Variants in ADAMTS6 observed in about 807,000 individuals in gnomAD.
ADAMTS6 encodes ADAM metallopeptidase with thrombospondin type 1 motif 6.
In ADAMTS6, 23 loss-of-function variants were observed where a neutral mutation model predicts 144.3. The ratio of observed to expected loss-of-function variants is 0.16; its 90% CI spans 0.11 to 0.23. The LOEUF is 0.23. ADAMTS6 is among the 10% of genes least tolerant of loss of function. The pLI is 1.00. For synonymous variants in ADAMTS6, 444 were observed against 457.5 expected (o/e 0.97, Z 0.38); for missense variants, 999 against 1,379.6 (o/e 0.72, Z 4.37).
chr5:65,215,928 A>G (rs932919406), intron 18 of ADAMTS6, among the ~76,000 whole-genome samples: 1 of 152,232 alleles, frequency 6.6e-6, no homozygotes, highest in African/African-American at 2.4e-5. Context: ...ACCCAAGTTC[A>G]TATGGGAATT....
intron 7 of ADAMTS6, among the ~76,000 whole-genome samples, chr5:65,368,132 T>A (rs1437541069): frequency 1.3e-5 from 2 of 152,202 alleles, no homozygotes; most frequent in South Asian, 2.1e-4. Flanking sequence ...TAAGAATTGG[T>A]CCTAGTGTGT....
At chr5:65,358,251 T>C (rs552604127) in intron 7 of ADAMTS6, among the ~76,000 whole-genome samples, 1 of 152,040 alleles carries the variant, frequency 6.6e-6, no homozygotes, top group South Asian at 2.1e-4. Context: ...TAAAAAGCAT[T>C]TGACAAAATC....
intron 10 of ADAMTS6, among the ~76,000 whole-genome samples, chr5:65,294,499 T>A (rs1345193315): frequency 6.6e-6 from 1 of 152,208 alleles, no homozygotes; most frequent in African/African-American, 2.4e-5. Flanking sequence ...CATGAACCAC[T>A]GCATCTGGCC....
chr5:65,467,889 A>G (rs1424829952), intron 3 of ADAMTS6, among the ~76,000 whole-genome samples: 1 of 152,254 alleles, frequency 6.6e-6, no homozygotes, highest in East Asian at 1.9e-4. Flanking sequence ...TCAAGAAATT[A>G]GCCCAATAAA....
rs569315805 is a variant in ADAMTS6 at position 65,196,510 on chromosome 5, G to A, written c.2705+512C>T. On this transcript the variant is annotated intron_variant, in intron 21 of 24. Transcript: ENST00000381055. ...TGCACTCCAGCCTGGGCGACAGAGC[G>A]AGACTCCGTCTCAAAAAAAAAAAAA... 7.8e-3 allele frequency among the ~76,000 whole-genome samples: 709 copies of A among 91,408 alleles called. 1 individual carries two copies. The highest frequency in any genetic ancestry group is 0.01 in the Non-Finnish European group (494 of 49,250). The allele number at this position is 91,408 out of a possible 152,430, so 60.0% of individuals were successfully genotyped here. A position where few individuals can be genotyped will look rare whatever the true frequency, so the allele number is the denominator to read the frequency against.
chr5:65,469,130 A>G (rs1359378309), intron 3 of ADAMTS6, among the ~76,000 whole-genome samples: 1 of 152,204 alleles, frequency 6.6e-6, no homozygotes, highest in Non-Finnish European at 1.5e-5. Context: ...ACTACCTACT[A>G]TGTATTCTCT....
intron 1 of ADAMTS6, among the ~76,000 whole-genome samples, chr5:65,474,251 C>T (rs1016021276): frequency 6.6e-6 from 1 of 152,090 alleles, no homozygotes; most frequent in African/African-American, 2.4e-5. Flanking sequence ...AGTTAACTTC[C>T]TTTTGATAAA....
intron 21 of ADAMTS6, 74 bp downstream of exon 21, chr5:65,196,948 T>C: frequency 6.6e-7 from 1 of 1,510,324 alleles, no homozygotes; most frequent in Non-Finnish European, 8.9e-7. Context: ...ATAAATATAT[T>C]TCCAAACATG....
At chr5:65,373,802 C>T (rs966622902) in intron 7 of ADAMTS6, among the ~76,000 whole-genome samples, 10 of 151,954 alleles carry the variant, frequency 6.6e-5, no homozygotes, top group African/African-American at 2.4e-4. Context: ...AGAGACACAA[C>T]CAAAAAAGAG....
chr5:65,276,604 C>T (rs1762564730), intron 11 of ADAMTS6, among the ~76,000 whole-genome samples: 1 of 152,136 alleles, frequency 6.6e-6, no homozygotes, highest in Non-Finnish European at 1.5e-5. Flanking sequence ...TTCAGAAATA[C>T]ACTTCTTTCT....
chr5:65,214,705 T>C lies in ADAMTS6; in HGVS notation c.2575+89A>G. 6.3e-7 allele frequency: 1 copy of C among 1,590,454 alleles called. No homozygotes were observed. The highest frequency in any genetic ancestry group is 1.1e-5 in the South Asian group (1 of 90,184). ...CAAACCTGCAAGAAATGTTTCCAAT[T>C]AGCTTTTTTAACAAACACAAAGCAT... On this transcript the variant is annotated intron_variant, in intron 20 of 24. Transcript: ENST00000381055. This position sits in a 1 kb window ranked among gnomAD's most constrained non-coding sequence, Gnocchi z 4.6.
At chr5:65,188,276 T>G in intron 21 of ADAMTS6, 56 bp from the exon 22 acceptor site, 1 of 1,578,222 alleles carries the variant, frequency 6.3e-7, no homozygotes, top group Non-Finnish European at 8.6e-7. Flanking sequence ...CATCCAGAGA[T>G]TTTTAGCTAA....
chr5:65,447,425 A>T (rs1176608335), intron 7 of ADAMTS6, among the ~76,000 whole-genome samples: 1 of 152,166 alleles, frequency 6.6e-6, no homozygotes, highest in East Asian at 1.9e-4. Flanking sequence ...CAATGTTGAG[A>T]TATATCTAAA....
At chr5:65,321,997 T>C (rs997426016) in intron 9 of ADAMTS6, among the ~76,000 whole-genome samples, 38 of 152,132 alleles carry the variant, frequency 2.5e-4, no homozygotes, top group Non-Finnish European at 1.0e-4. Flanking sequence ...ATTACAGGTG[T>C]GAGCCACCGT....
chr5:65,190,572 T>A (rs996286595), intron 21 of ADAMTS6, among the ~76,000 whole-genome samples: 1 of 152,262 alleles, frequency 6.6e-6, no homozygotes, highest in African/African-American at 2.4e-5. Context: ...GATGGAGGCC[T>A]TCAAATTAAA....
intron 7 of ADAMTS6, among the ~76,000 whole-genome samples, chr5:65,406,222 A>T (rs10055090): frequency 1.3e-5 from 2 of 151,934 alleles, no homozygotes; most frequent in Admixed American, 1.3e-4. Context: ...CTTGTCTTGC[A>T]CCAGTTTTCC....
intron 11 of ADAMTS6, among the ~76,000 whole-genome samples, chr5:65,284,272 T>A (rs1434435002): frequency 1.3e-5 from 2 of 152,064 alleles, no homozygotes; most frequent in East Asian, 3.8e-4. Context: ...ATCAGAGAAC[T>A]CAACTATCTT....
intron 7 of ADAMTS6, among the ~76,000 whole-genome samples, chr5:65,380,988 A>T (rs556161114): frequency 6.6e-6 from 1 of 152,354 alleles, no homozygotes; most frequent in South Asian, 2.1e-4. Context: ...AGGAAAGCTC[A>T]ATTAATGTAA....
At chr5:65,226,975 CA>C (rs1487348561) in intron 15 of ADAMTS6, among the ~76,000 whole-genome samples, 6 of 152,152 alleles carry the variant, frequency 3.9e-5, no homozygotes, top group Non-Finnish European at 5.9e-5. Flanking sequence ...GAAGCTGATA[CA>C]AAAACTCTGC....
Sources: gnomAD v4.1 joint callset for allele counts (sites outside exome capture counted in the v4.1 genomes callset) on GRCh38, gnomAD v4.1.1 for gene constraint, Gnocchi (gnomAD v3.1) non-coding constraint, MANE v1.5 for transcripts, NCBI Gene and HGNC (gene_info 2026-07-23, HGNC 2026-07-21) for gene names.